GOLGA4: variants seen among roughly 807,000 people sequenced by gnomAD.
GOLGA4 encodes the protein golgin subfamily A member 4.
In GOLGA4, 169 loss-of-function variants were observed where a neutral mutation model predicts 265.9. The ratio of observed to expected loss-of-function variants is 0.64; its 90% CI spans 0.56 to 0.72. The LOEUF (loss-of-function observed/expected upper bound fraction) is 0.72. GOLGA4 is among the 30% of genes least tolerant of loss of function. GOLGA4 has a pLI of 0.00. For missense variants in GOLGA4, 2,482 were observed against 2,483.4 expected, an observed-to-expected ratio of 1.00 and a Z score of 0.01; for synonymous variants, 923 against 855.8, an observed-to-expected ratio of 1.08 and a Z score of -1.37.
chr3:37,361,946 C>T (rs1696308422), intron 23 of GOLGA4, among the ~76,000 whole-genome samples: 2 of 152,214 alleles, frequency 1.3e-5, no homozygotes, highest in Non-Finnish European at 2.9e-5. Context: ...TGACTGTCTT[C>T]ATCATTTAAA....
intron 22 of GOLGA4, among the ~76,000 whole-genome samples, chr3:37,358,824 G>A (rs1258640678): frequency 6.6e-6 from 1 of 152,036 alleles, no homozygotes; most frequent in African/African-American, 2.4e-5. Flanking sequence ...CTCCAACTTC[G>A]GTACCTTAGA....
intron 2 of GOLGA4, among the ~76,000 whole-genome samples, chr3:37,267,188 T>C (rs1254132844): frequency 2.0e-5 from 3 of 152,228 alleles, no homozygotes; most frequent in Non-Finnish European, 4.4e-5. Context: ...ACTTCAGTAA[T>C]GAAGCTACCT....
At chr3:37,359,322 G>A (rs1230329514) in intron 22 of GOLGA4, among the ~76,000 whole-genome samples, 2 of 152,020 alleles carry the variant, frequency 1.3e-5, no homozygotes, top group African/African-American at 4.8e-5. Context: ...TTTAAAATGA[G>A]AGTATTATTA....
In GOLGA4 at chr3:37,330,086, A is replaced by G. The variant is rs143626374; in HGVS notation, c.6192+993A>G. ...TATGAAAAGATTTAAATAATTTCAC[A>G]TTTTCTTATACTTCCATAGAGGATA... On this transcript the variant is annotated intron_variant, in intron 16 of 23. Coordinates refer to ENST00000361924, the MANE Select transcript of GOLGA4 (RefSeq NM_002078.5). Among the ~76,000 whole-genome samples, 1,192 of 151,956 alleles carry G rather than the reference A, an allele frequency of 7.8e-3. 10 individuals carry two copies. The highest frequency in any genetic ancestry group is 0.038 in the Middle Eastern group (11 of 288).
At chr3:37,354,917 G>A (rs906573928) in intron 21 of GOLGA4, among the ~76,000 whole-genome samples, 184 bp from the exon 22 acceptor site, 2 of 152,062 alleles carry the variant, frequency 1.3e-5, no homozygotes, top group Admixed American at 1.3e-4. Context: ...GACATTGTAA[G>A]GAGTCCTTTT....
intron 2 of GOLGA4, among the ~76,000 whole-genome samples, chr3:37,260,829 A>G (rs1379671931): frequency 6.6e-6 from 1 of 152,082 alleles, no homozygotes; most frequent in Non-Finnish European, 1.5e-5. Flanking sequence ...GAAATAAATA[A>G]TAATAGTTTT....
chr3:37,352,931 TTCTA>T (rs1237916455), intron 21 of GOLGA4, among the ~76,000 whole-genome samples: 1 of 152,104 alleles, frequency 6.6e-6, no homozygotes, highest in East Asian at 1.9e-4. Flanking sequence ...ACTTAATTGT[TTCTA>T]TCTTTTGATT....
chr3:37,276,749 A>T (rs1481274658), intron 2 of GOLGA4, among the ~76,000 whole-genome samples: 1 of 152,224 alleles, frequency 6.6e-6, no homozygotes, highest in Non-Finnish European at 1.5e-5. Flanking sequence ...CCTTCCTTAA[A>T]TGCCTTCTGT....
intron 2 of GOLGA4, among the ~76,000 whole-genome samples, chr3:37,257,262 A>G (rs1317222209): frequency 1.3e-5 from 2 of 152,050 alleles, no homozygotes; most frequent in East Asian, 3.9e-4. Flanking sequence ...TCTTTTTATA[A>G]CTGAGTCTAA....
At position 37,361,319 on chromosome 3, in the gene GOLGA4, A is replaced by C. The variant is rs758661279; in HGVS notation, c.*33+14A>C. The C allele has an allele frequency of 6.3e-7, 1 of 1,590,724 alleles. No homozygotes were observed. The highest frequency in any genetic ancestry group is 1.3e-5 in the African/African-American group (1 of 74,600). On this transcript the variant is annotated intron_variant, in intron 23 of 23. Coordinates refer to ENST00000361924, the MANE Select transcript of GOLGA4 (RefSeq NM_002078.5). ...AGTTAACATGTGGTGAGTGAAGAAC[A>C]ATGTCTTGTGTCTTTTGTGCAAAAA... is the stretch of plus-strand genomic sequence containing the variant.
rs187122325 is a variant in GOLGA4 at position 37,297,863 on chromosome 3, C to T, written c.815-970C>T. The stretch of plus-strand genomic sequence containing the variant: ...CCAACATGGTGAAACCCCACCTCTA[C>T]TAAAAATACAAACAAGTTAGCGAGA... On this transcript the variant is annotated intron_variant, in intron 7 of 23. Transcript: ENST00000361924. Among the ~76,000 whole-genome samples, 246 of 152,238 alleles carry T rather than the reference C, an allele frequency of 1.6e-3. 1 individual carries two copies. The highest frequency in any genetic ancestry group is 2.7e-3 in the Non-Finnish European group (187 of 68,006).
intron 2 of GOLGA4, among the ~76,000 whole-genome samples, chr3:37,271,118 G>C (rs935813272): frequency 6.6e-6 from 1 of 152,168 alleles, no homozygotes; most frequent in Non-Finnish European, 1.5e-5. Flanking sequence ...GGTAATGCGA[G>C]TGACGGGGAG....
At chr3:37,275,252 AC>A (rs1559370589) in intron 2 of GOLGA4, among the ~76,000 whole-genome samples, 1 of 149,480 alleles carries the variant, frequency 6.7e-6, no homozygotes, top group Non-Finnish European at 1.5e-5. Flanking sequence ...GAAAAAAAAA[AC>A]CCCAAAAAAA....
At chr3:37,316,445 GA>G (rs1442386314) in intron 11 of GOLGA4, among the ~76,000 whole-genome samples, 2 of 152,132 alleles carry the variant, frequency 1.3e-5, no homozygotes, top group Admixed American at 6.6e-5. Context: ...AACAGGCATT[GA>G]GGGGGGCAAA....
At chr3:37,303,539 A>G (rs764404243) in intron 10 of GOLGA4, among the ~76,000 whole-genome samples, 11 of 152,208 alleles carry the variant, frequency 7.2e-5, no homozygotes, top group Non-Finnish European at 1.0e-4. Context: ...TTGGAGTGAA[A>G]TGATGGGTTT....
chr3:37,280,781 G>C (rs1334480267), intron 2 of GOLGA4, among the ~76,000 whole-genome samples: 1 of 152,048 alleles, frequency 6.6e-6, no homozygotes, highest in Non-Finnish European at 1.5e-5. Flanking sequence ...GTATCCTCTA[G>C]TGATAAACAT....
At chr3:37,301,337 A>G (rs114504289) in intron 9 of GOLGA4, among the ~76,000 whole-genome samples, 4,296 of 152,308 alleles carry the variant, frequency 0.028, 155 homozygotes, top group African/African-American at 0.085. Flanking sequence ...GATGCCTTAC[A>G]AAGTAAGGAA....
intron 5 of GOLGA4, among the ~76,000 whole-genome samples, chr3:37,293,305 A>AT (rs565418254): frequency 0.041 from 6,068 of 148,480 alleles, 156 homozygotes; most frequent in African/African-American, 0.058. Context: ...TTTTCTTGTG[A>AT]TTTTTTTTTT....
intron 2 of GOLGA4, among the ~76,000 whole-genome samples, chr3:37,257,975 A>G (rs1233137205): frequency 3.9e-5 from 2 of 51,516 alleles, no homozygotes; most frequent in Admixed American, 2.2e-4. Flanking sequence ...ATATACATAC[A>G]TATATATATG....
Sources: allele counts gnomAD v4.1 joint callset (sites outside exome capture counted in the v4.1 genomes callset), GRCh38; gene constraint gnomAD v4.1.1; transcripts MANE v1.5; gene names NCBI Gene and HGNC (gene_info 2026-07-23, HGNC 2026-07-21).